TGFBR2: variants seen among roughly 807,000 people sequenced by gnomAD.
TGFBR2 encodes the protein TGF-beta receptor type-2.
TGFBR2 carries 18 observed loss-of-function variants against 49.0 expected under a neutral mutation model. The ratio of observed to expected loss-of-function variants is 0.37; its 90% CI spans 0.25 to 0.54. TGFBR2 has a LOEUF of 0.54. TGFBR2 is among the 20% of genes least tolerant of loss of function. The probability of loss-of-function intolerance (pLI) is 0.85; values close to 1 mark genes in which losing one functional copy is unlikely to be tolerated. For synonymous variants in TGFBR2, 282 were observed against 275.9 expected (o/e 1.02, Z -0.22); for missense variants, 525 against 722.6 (o/e 0.73, Z 3.13).
intron 3 of TGFBR2, among the ~76,000 whole-genome samples, chr3:30,666,235 C>T (rs948984246): frequency 3.0e-4 from 45 of 151,960 alleles, no homozygotes; most frequent in Non-Finnish European, 3.8e-4. Flanking sequence ...TTTTTAATGC[C>T]CTTCAGAGCT....
chr3:30,668,684 A>G (rs978514435), intron 3 of TGFBR2, among the ~76,000 whole-genome samples: 12 of 152,026 alleles, frequency 7.9e-5, no homozygotes, highest in Non-Finnish European at 1.6e-4. Context: ...TCCCAGTGTA[A>G]GAATTTATGT....
chr3:30,638,130 A>G (rs1218960898), intron 1 of TGFBR2, among the ~76,000 whole-genome samples: 2 of 152,224 alleles, frequency 1.3e-5, no homozygotes, highest in East Asian at 3.8e-4. Flanking sequence ...TATGATCAGG[A>G]AGTAATATTT....
intron 1 of TGFBR2, among the ~76,000 whole-genome samples, chr3:30,624,445 G>A (rs996434490): frequency 2.0e-5 from 3 of 151,722 alleles, no homozygotes; most frequent in Non-Finnish European, 4.4e-5. Context: ...GTGAAACCCC[G>A]TCTCTACTAA....
chr3:30,622,540 A>G (rs1679615724), intron 1 of TGFBR2, among the ~76,000 whole-genome samples: 1 of 152,138 alleles, frequency 6.6e-6, no homozygotes, highest in African/African-American at 2.4e-5. Context: ...TTAAAGGCAA[A>G]AAAAAAAGTC....
chr3:30,686,023 G>A (rs1245645727), intron 5 of TGFBR2, among the ~76,000 whole-genome samples: 3 of 152,128 alleles, frequency 2.0e-5, no homozygotes, highest in African/African-American at 7.2e-5. Context: ...TGGATTACAA[G>A]ATAAATCTGA....
At chr3:30,636,053 T>C (rs992562939) in intron 1 of TGFBR2, among the ~76,000 whole-genome samples, 3 of 151,948 alleles carry the variant, frequency 2.0e-5, no homozygotes, top group Non-Finnish European at 4.4e-5. Flanking sequence ...ACCAACCTGG[T>C]GTTTGTTTTA....
In TGFBR2 at chr3:30,688,499, G is replaced by C. The variant is rs1575165272; in HGVS notation, c.1512G>C (p.Trp504Cys). 1 of 1,614,094 alleles carries C rather than the reference G, an allele frequency of 6.2e-7. No homozygotes were observed. Among genetic ancestry groups the C allele is most frequent in the Non-Finnish European group, 8.5e-7 (1 of 1,180,032 alleles). The change falls in exon 6 of 7, where the codon TGG becomes TGC. Residue 504 changes from tryptophan (W) to cysteine (C), a missense_variant. Physicochemically the swap from Trp to Cys is radical, Grantham distance 215 (BLOSUM62 -2). This residue lies in a region of TGFBR2 where 104 missense variants were observed against 133.4 expected (regional missense o/e 0.78). Transcript: ENST00000295754. ...DRGRPEIPSF[W>C]LNHQGIQMVC... ...GGCGACCAGAAATTCCCAGCTTCTG[G>C]CTCAACCACCAGGTAAGGAGTGAGT...
Position 30,672,180 on chromosome 3 carries a change from C to T in TGFBR2, c.997C>T (p.Leu333=). 2 of 1,613,672 alleles carry T rather than the reference C, an allele frequency of 1.2e-6. No homozygotes were observed. Among genetic ancestry groups the T allele is most frequent in the Non-Finnish European group, 1.7e-6 (2 of 1,179,556 alleles). Residue 333 remains leucine, a synonymous_variant, in exon 4 of 7, where the codon CTA becomes TTA. Transcript: ENST00000295754. The surrounding 1 kb of genome is among the most constrained non-coding windows in gnomAD (Gnocchi z 4.5). ...CACCGCCTTCCACGCCAAGGGCAAC[C>T]TACAGGAGTACCTGACGCGGCATGT... ...LITAFHAKGN[L]QEYLTRHVIS...
chr3:30,687,350 T>G (rs1038943629), intron 5 of TGFBR2, among the ~76,000 whole-genome samples: 1 of 152,314 alleles, frequency 6.6e-6, no homozygotes, highest in Middle Eastern at 3.4e-3. Context: ...ATCAGTGATA[T>G]CGTAAGGAGC....
chr3:30,665,927 G>A (rs1353782102), intron 3 of TGFBR2, among the ~76,000 whole-genome samples: 1 of 152,148 alleles, frequency 6.6e-6, no homozygotes, highest in African/African-American at 2.4e-5. Context: ...TTGTGTTATA[G>A]TAATATATGT....
At chr3:30,621,334 A>G (rs1402912865) in intron 1 of TGFBR2, among the ~76,000 whole-genome samples, 3 of 136,886 alleles carry the variant, frequency 2.2e-5, no homozygotes, top group Non-Finnish European at 4.5e-5. Flanking sequence ...AGGCTGGAGT[A>G]CAATGGCACG....
intron 5 of TGFBR2, 83 bp from the exon 6 acceptor site, chr3:30,688,301 C>G: frequency 6.3e-7 from 1 of 1,588,390 alleles, no homozygotes. Flanking sequence ...TCATGCTCCC[C>G]AGCCAGGCAT....
In TGFBR2 at chr3:30,691,700, C is replaced by A. The variant is rs565436114; in HGVS notation, c.*101C>A. ...CCCTGAACTGATGCTTCCTGGAAAA[C>A]CAAGGGGGTCACTCCCCTCCCTGTA... On this transcript the variant is annotated 3_prime_UTR_variant, in exon 7 of 7. Coordinates refer to ENST00000295754, the MANE Select transcript of TGFBR2 (RefSeq NM_003242.6). The A allele has an allele frequency of 7.3e-7, 1 of 1,374,990 alleles. No individual in the cohort carries two copies. 85.2% of individuals were successfully genotyped at this position (1,374,990 alleles called of 1,614,324 possible).
intron 5 of TGFBR2, among the ~76,000 whole-genome samples, chr3:30,684,893 A>G (rs954449715): frequency 2.0e-5 from 3 of 152,210 alleles, no homozygotes; most frequent in Non-Finnish European, 4.4e-5. Flanking sequence ...CCCCATGGAA[A>G]CTTGCTTTGA....
At chr3:30,618,483 G>C (rs921563556) in intron 1 of TGFBR2, among the ~76,000 whole-genome samples, 1 of 151,102 alleles carries the variant, frequency 6.6e-6, no homozygotes, top group African/African-American at 2.4e-5. Context: ...TGATCCGCCC[G>C]CCTCGGCCTC....
chr3:30,687,754 G>A (rs11466522), intron 5 of TGFBR2, among the ~76,000 whole-genome samples: 18,572 of 151,950 alleles, frequency 0.12, 1,277 homozygotes, highest in East Asian at 0.32. Context: ...TTCCTCCCAG[G>A]TTGCCCCCTG....
rs561040546 is a variant in TGFBR2, at chr3:30,619,740, G to A, written c.94+12763G>A. 2.5e-3 allele frequency among the ~76,000 whole-genome samples: 373 copies of A among 152,124 alleles called. 1 individual carries two copies. The highest frequency in any genetic ancestry group is 4.1e-3 in the Non-Finnish European group (278 of 68,002). ...CAACGGCTCCACCCTTTGAAATAAC[G>A]CCTGGTCTAAATGTTACTTTTTCTA... On this transcript the variant is annotated intron_variant, in intron 1 of 6. Transcript: ENST00000295754.
chr3:30,680,506 A>G (rs1699521098), intron 5 of TGFBR2, among the ~76,000 whole-genome samples: 2 of 150,118 alleles, frequency 1.3e-5, no homozygotes. Context: ...TCTTTCTTTG[A>G]GAGACAGGAA....
chr3:30,617,231 A>G (rs1299171231), intron 1 of TGFBR2, among the ~76,000 whole-genome samples: 1 of 152,234 alleles, frequency 6.6e-6, no homozygotes, highest in Non-Finnish European at 1.5e-5. Context: ...GCAGGGGAGT[A>G]GCTGCCGCAA....
Sources: gnomAD v4.1 joint callset for allele counts (sites outside exome capture counted in the v4.1 genomes callset) on GRCh38, gnomAD v4.1.1 for gene constraint, gnomAD v4.1.1 regional missense constraint, Gnocchi (gnomAD v3.1) non-coding constraint, MANE v1.5 for transcripts, NCBI Gene and HGNC (gene_info 2026-07-23, HGNC 2026-07-21) for gene names.